The following SRGAP3 variants were observed in gnomAD, a reference collection of about 807,000 sequenced individuals.
SRGAP3 encodes SLIT-ROBO Rho GTPase activating protein 3.
Under a neutral mutation model 121.1 loss-of-function variants are expected in SRGAP3, and 39 were observed. The ratio of observed to expected loss-of-function variants is 0.32; its 90% CI spans 0.25 to 0.42. SRGAP3 has a LOEUF of 0.42. SRGAP3 is among the 10% of genes least tolerant of loss of function. The pLI, the probability that SRGAP3 is intolerant of heterozygous loss-of-function variation, is 1.00. For synonymous variants in SRGAP3, 601 were observed against 570.0 expected, an observed-to-expected ratio of 1.05 and a Z score of -0.77; for missense variants, 1,213 against 1,470.6, an observed-to-expected ratio of 0.82 and a Z score of 2.86.
At chr3:9,125,450 T>G (rs1261530312) in intron 1 of SRGAP3, among the ~76,000 whole-genome samples, 1 of 152,206 alleles carries the variant, frequency 6.6e-6, no homozygotes, top group East Asian at 1.9e-4. Flanking sequence ...TGTGACTTTC[T>G]CCATGTGTAG....
chr3:9,131,127 C>A (rs1949428846), intron 1 of SRGAP3, among the ~76,000 whole-genome samples: 1 of 152,220 alleles, frequency 6.6e-6, no homozygotes, highest in Non-Finnish European at 1.5e-5. Context: ...TACGAGCTGG[C>A]ACAGATTTGG....
chr3:9,086,517 CAAAA>C (rs1242587521), intron 3 of SRGAP3, among the ~76,000 whole-genome samples: 19 of 87,082 alleles, frequency 2.2e-4, no homozygotes, highest in Admixed American at 1.4e-3. Context: ...GAGACTGTTT[CAAAA>C]AAAAAAAAAA....
chr3:9,354,972 T>C (rs1277646088), intron 1 of SRGAP3, among the ~76,000 whole-genome samples: 1 of 152,238 alleles, frequency 6.6e-6, no homozygotes, highest in East Asian at 1.9e-4. Context: ...GGAGGTCATC[T>C]GGTTCTTTCT....
intron 2 of SRGAP3, 140 bp downstream of exon 2, chr3:9,124,585 G>A (rs1477900774): frequency 2.8e-6 from 3 of 1,071,206 alleles, no homozygotes; most frequent in Non-Finnish European, 4.1e-6. Flanking sequence ...GGAGGTGTAA[G>A]TAACCTGCAG....
At chr3:9,169,563 G>A (rs918546323) in intron 1 of SRGAP3, among the ~76,000 whole-genome samples, 3 of 152,170 alleles carry the variant, frequency 2.0e-5, no homozygotes, top group African/African-American at 4.8e-5. Context: ...TACTAATTAT[G>A]AATTTCTGCT....
chr3:9,020,938 G>A (rs1238787307), intron 14 of SRGAP3, among the ~76,000 whole-genome samples: 3 of 152,226 alleles, frequency 2.0e-5, no homozygotes, highest in Non-Finnish European at 4.4e-5. Flanking sequence ...GATCACCTGG[G>A]CGTTGCCAAA....
chr3:9,260,564 G>A (rs900403939), intron 3 of SRGAP3, among the ~76,000 whole-genome samples: 3 of 152,216 alleles, frequency 2.0e-5, no homozygotes, highest in Non-Finnish European at 1.5e-5. Context: ...CCACTGCGGC[G>A]TGGCATCGCC....
intron 1 of SRGAP3, among the ~76,000 whole-genome samples, chr3:9,175,311 G>T (rs1388776363): frequency 6.6e-6 from 1 of 152,198 alleles, no homozygotes; most frequent in Non-Finnish European, 1.5e-5. Context: ...CTTCTGCACT[G>T]CTCTGTCTCC....
intron 1 of SRGAP3, among the ~76,000 whole-genome samples, chr3:9,231,373 G>A (rs534382746): frequency 6.6e-6 from 1 of 152,318 alleles, no homozygotes; most frequent in Admixed American, 6.5e-5. Flanking sequence ...AATGAGGATG[G>A]AAGGATGCGG....
intron 3 of SRGAP3, among the ~76,000 whole-genome samples, chr3:9,096,974 T>C (rs1411782791): frequency 2.0e-4 from 18 of 89,926 alleles, no homozygotes; most frequent in African/African-American, 8.7e-4. Flanking sequence ...TATATATATA[T>C]ATATATACAC....
intron 2 of SRGAP3, among the ~76,000 whole-genome samples, chr3:9,114,950 G>T (rs907601569): frequency 6.6e-6 from 1 of 152,254 alleles, no homozygotes; most frequent in African/African-American, 2.4e-5. Context: ...GGTCTGTGAA[G>T]AAGGGGCTGT....
At chr3:9,266,216 C>T (rs1348996607) in intron 3 of SRGAP3, among the ~76,000 whole-genome samples, 2 of 152,110 alleles carry the variant, frequency 1.3e-5, no homozygotes, top group Non-Finnish European at 1.5e-5. Flanking sequence ...ATGCTGGGGC[C>T]TGTCATGGCA....
At chr3:9,140,201 G>A (rs1190842929) in intron 1 of SRGAP3, among the ~76,000 whole-genome samples, 1 of 151,832 alleles carries the variant, frequency 6.6e-6, no homozygotes, top group Non-Finnish European at 1.5e-5. Flanking sequence ...ATTGTCTATA[G>A]AAGTGAAAAC....
intron 1 of SRGAP3, among the ~76,000 whole-genome samples, chr3:9,187,598 C>T (rs1299123931): frequency 6.6e-6 from 1 of 152,170 alleles, no homozygotes; most frequent in Non-Finnish European, 1.5e-5. Context: ...CTGGCTGCCC[C>T]TTTGTGCACA....
At chr3:9,111,453 A>C (rs1473479704) in intron 2 of SRGAP3, among the ~76,000 whole-genome samples, 1 of 152,212 alleles carries the variant, frequency 6.6e-6, no homozygotes, top group African/African-American at 2.4e-5. Flanking sequence ...AGCCTGGTGC[A>C]TTTAAGGAAC....
intron 1 of SRGAP3, among the ~76,000 whole-genome samples, chr3:9,145,517 C>A (rs927357919): frequency 1.3e-5 from 2 of 152,194 alleles, no homozygotes; most frequent in Admixed American, 1.3e-4. Flanking sequence ...TCATATTGAA[C>A]TCCCTATTTC....
chr3:9,260,412 G>A (rs774662633), intron 3 of SRGAP3, among the ~76,000 whole-genome samples: 5 of 152,292 alleles, frequency 3.3e-5, no homozygotes, highest in Admixed American at 6.5e-5. Flanking sequence ...TGAAATTATC[G>A]CTGCCAGCAC....
intron 3 of SRGAP3, among the ~76,000 whole-genome samples, chr3:9,103,500 A>C (rs750540405): frequency 9.2e-5 from 14 of 152,214 alleles, no homozygotes; most frequent in South Asian, 4.1e-4. Context: ...GGCACAGAGC[A>C]TTGAAGTAAC....
chr3:8,998,039 G>A (rs576698612), intron 18 of SRGAP3, among the ~76,000 whole-genome samples: 1 of 152,176 alleles, frequency 6.6e-6, no homozygotes, highest in Admixed American at 6.5e-5. Context: ...ATGCCGCCAT[G>A]CCCAGCTAAT....
Sources: allele counts gnomAD v4.1 joint callset (sites outside exome capture counted in the v4.1 genomes callset), GRCh38; gene constraint gnomAD v4.1.1; transcripts MANE v1.5; gene names NCBI Gene and HGNC (gene_info 2026-07-23, HGNC 2026-07-21).